Variants in SLC10A2 observed in about 807,000 individuals in gnomAD.
SLC10A2 encodes the protein ileal sodium/bile acid cotransporter.
In SLC10A2, 34 loss-of-function variants were observed where a neutral mutation model predicts 27.1. The ratio of observed to expected loss-of-function variants is 1.26; its 90% CI spans 0.96 to 1.67. SLC10A2 has a LOEUF of 1.67. SLC10A2 is among the 40% of genes most tolerant of loss of function. The pLI, the probability that SLC10A2 is intolerant of heterozygous loss-of-function variation, is 0.00. For missense variants in SLC10A2, 530 were observed against 444.4 expected (o/e 1.19, Z -1.73); for synonymous variants, 205 against 174.0 (o/e 1.18, Z -1.40).
At position 103,065,673 on chromosome 13, in the gene SLC10A2, A is replaced by G. The variant is rs563315470; in HGVS notation, c.377+200T>C. Among the ~76,000 whole-genome samples the G allele has an allele frequency of 4.5e-4, 69 of 152,354 alleles. 1 individual carries two copies. The South Asian group carries it at 7.5e-3, about 16-fold the overall frequency. On this transcript the variant is annotated intron_variant, in intron 1 of 5. Coordinates refer to ENST00000245312, the MANE Select transcript of SLC10A2 (RefSeq NM_000452.3). ...TTAACTGAGTTAGATTTAAAAACAC[A>G]AACACAAAATATAAATCCCCCAATT...
intron 4 of SLC10A2, among the ~76,000 whole-genome samples, chr13:103,051,048 G>T (rs1229196560): frequency 6.6e-6 from 1 of 152,130 alleles, no homozygotes; most frequent in Non-Finnish European, 1.5e-5. Flanking sequence ...CACGAGGAAG[G>T]CCAGTAAGGG....
rs1459034660 is a variant in SLC10A2, at chr13:103,058,393, A to G, written c.378-11T>C. On this transcript the variant is annotated splice_polypyrimidine_tract_variant and intron_variant, in intron 1 of 5. Transcript: ENST00000245312. ...GTGGTCATGCTGACGCTGAAAGGCA[A>G]TGGGCAGATTGATACATCCACCTGT... The G allele has an allele frequency of 1.3e-6, 2 of 1,512,156 alleles. No individual in the cohort carries two copies. The highest frequency in any genetic ancestry group is 1.1e-5 in the South Asian group (1 of 88,918). The allele number at this position is 1,512,156 out of a possible 1,614,324, so 93.7% of individuals were successfully genotyped here.
intron 1 of SLC10A2, among the ~76,000 whole-genome samples, chr13:103,064,930 C>G (rs1431342175): frequency 1.3e-5 from 2 of 152,178 alleles, no homozygotes; most frequent in African/African-American, 4.8e-5. Flanking sequence ...GTTTACAATT[C>G]TACACTTTGT....
Position 103,058,334 on chromosome 13 carries a change from C to T in SLC10A2, c.426G>A (p.Pro142=), listed in dbSNP as rs157381. 4,421 of 1,613,820 alleles carry T rather than the reference C, an allele frequency of 2.7e-3. 120 individuals carry two copies. In the African/African-American group the frequency reaches 0.051, roughly 18 times the overall value. Residue 142 remains proline (P), a synonymous_variant, in exon 2 of 6, where the codon CCG becomes CCA. Coordinates refer to ENST00000245312, the MANE Select transcript of SLC10A2 (RefSeq NM_000452.3). ...TTTTGGTATAGATAAGGAGGCACAG[C>T]GGCATCATTCCGAGGGCAAGCAGTG... ...CSTLLALGMM[P]LCLLIYTKMW...
At chr13:103,063,325 C>T (rs1876181687) in intron 1 of SLC10A2, among the ~76,000 whole-genome samples, 1 of 152,048 alleles carries the variant, frequency 6.6e-6, no homozygotes, top group Non-Finnish European at 1.5e-5. Flanking sequence ...AGAACCATAA[C>T]CAAGAGAGTT....
intron 1 of SLC10A2, among the ~76,000 whole-genome samples, chr13:103,062,986 CT>C (rs1436759786): frequency 6.6e-6 from 1 of 152,290 alleles, no homozygotes; most frequent in East Asian, 1.9e-4. Context: ...TAGGATGTTT[CT>C]GTGTCCTCTC....
chr13:103,058,519 G>A (rs1876009357), intron 1 of SLC10A2, 137 bp from the exon 2 acceptor site: 4 of 680,582 alleles, frequency 5.9e-6, no homozygotes, highest in Non-Finnish European at 1.1e-5. Context: ...GTCAACTTGT[G>A]TCATGGGGGT....
chr13:103,059,311 T>G (rs1306500846), intron 1 of SLC10A2, among the ~76,000 whole-genome samples: 1 of 152,222 alleles, frequency 6.6e-6, no homozygotes, highest in East Asian at 1.9e-4. Flanking sequence ...GTTTGTTCAT[T>G]GTTTTCTTGG....
rs148181864 is a variant in SLC10A2, at chr13:103,053,958, C to A, written c.497-1250G>T. 9.1e-3 allele frequency among the ~76,000 whole-genome samples: 1,380 copies of A among 152,002 alleles called. 9 individuals are homozygous for A. Among genetic ancestry groups the A allele is most frequent in the Non-Finnish European group, 0.015 (1,042 of 67,962 alleles). On this transcript the variant is annotated intron_variant, in intron 2 of 5. Transcript: ENST00000245312. The stretch of plus-strand genomic sequence containing the variant: ...TACTGCTGAGATGCCCCAGAAAAAC[C>A]CCCCTTGGGTATCCTTGCATCCTGC...
chr13:103,059,236 G>A (rs890448871), intron 1 of SLC10A2, among the ~76,000 whole-genome samples: 1 of 152,088 alleles, frequency 6.6e-6, no homozygotes, highest in African/African-American at 2.4e-5. Flanking sequence ...TCATATGATT[G>A]TTGGCTGCAT....
rs199592334 is a variant in SLC10A2 at position 103,066,288 on chromosome 13, C to T, written c.-39G>A. On this transcript the variant is annotated 5_prime_UTR_variant, in exon 1 of 6. Transcript: ENST00000245312. ...GCTGGAAAGGCCAAGTCCACAGAAG[C>T]GCTGGTCCCTGGGCCCTGGCTCTGC... 12 of 1,565,074 alleles carry T rather than the reference C, an allele frequency of 7.7e-6. No homozygotes were observed. The highest frequency in any genetic ancestry group is 2.0e-4 in the Middle Eastern group (1 of 5,054).
chr13:103,058,207 G>C, intron 2 of SLC10A2, 57 bp downstream of exon 2: 1 of 1,007,950 alleles, frequency 9.9e-7, no homozygotes, highest in Non-Finnish European at 1.6e-6. Context: ...AGCCTAGCAG[G>C]GGGTAAGCAG....
Position 103,044,786 on chromosome 13 carries a change from G to C in SLC10A2, c.*1347C>G, listed in dbSNP as rs1179747694. 6.6e-6 allele frequency: 1 copy of C among 152,164 alleles called. No homozygotes were observed. The highest frequency in any genetic ancestry group is 1.5e-5 in the Non-Finnish European group (1 of 68,036). The allele number at this position is 152,164 out of a possible 1,614,324, so 9.4% of individuals were successfully genotyped here. On this transcript the variant is annotated 3_prime_UTR_variant, in exon 6 of 6. Coordinates refer to ENST00000245312, the MANE Select transcript of SLC10A2 (RefSeq NM_000452.3). ...GGAACAAAACCACTAAGGACCGAGT[G>C]GTTAAGATTGTGTATTCTGATTGCT...
intron 2 of SLC10A2, among the ~76,000 whole-genome samples, chr13:103,054,673 A>G (rs1293007275): frequency 6.6e-6 from 1 of 152,168 alleles, no homozygotes; most frequent in Non-Finnish European, 1.5e-5. Context: ...GCTGAAATCC[A>G]TGGCAGAATT....
intron 2 of SLC10A2, among the ~76,000 whole-genome samples, chr13:103,055,636 G>T (rs945769768): frequency 4.6e-5 from 7 of 152,190 alleles, no homozygotes; most frequent in African/African-American, 1.7e-4. Context: ...GTTAATATCT[G>T]TAGAAAGTAA....
intron 4 of SLC10A2, among the ~76,000 whole-genome samples, chr13:103,050,979 C>T (rs1875760491): frequency 1.3e-5 from 2 of 152,044 alleles, no homozygotes; most frequent in East Asian, 3.9e-4. Context: ...AAAAGGGGAG[C>T]CAGGCCACAG....
intron 1 of SLC10A2, 114 bp from the exon 2 acceptor site, chr13:103,058,496 G>A: frequency 2.8e-6 from 2 of 713,120 alleles, no homozygotes; most frequent in Non-Finnish European, 5.1e-6. Flanking sequence ...ATATGTGCAT[G>A]TTTGTTATAT....
chr13:103,049,418 T>A lies in SLC10A2; in HGVS notation c.790A>T (p.Met264Leu). Residue 264 changes from methionine (M) to leucine (L), a missense_variant, in exon 5 of 6, where the codon ATG (methionine) becomes TTG (leucine). Physicochemically the swap from Met to Leu is conservative, Grantham distance 15. Transcript: ENST00000245312. ...RCRTVAFETG[M>L]QNTQLCSTIV... Reference sequence around the variant, plus strand: ...GTGGAACATAGCTGCGTGTTCTGCATCCCCGTTTCAAAAGCAACCGTTCGG... The same window carrying A: ...GTGGAACATAGCTGCGTGTTCTGCAACCCCGTTTCAAAAGCAACCGTTCGG... 2 of 1,613,988 alleles carry A rather than the reference T, an allele frequency of 1.2e-6. No homozygotes were observed. Among genetic ancestry groups the A allele is most frequent in the East Asian group, 2.2e-5 (1 of 44,870 alleles).
Position 103,065,990 on chromosome 13 carries a change from G to A in SLC10A2, c.260C>T (p.Ser87Leu), listed in dbSNP as rs1456902073. 18 of 1,613,980 alleles carry A rather than the reference G, an allele frequency of 1.1e-5. No homozygotes were observed. Among genetic ancestry groups the A allele is most frequent in the Admixed American group, 1.7e-5 (1 of 59,984 alleles). Residue 87 changes from serine to leucine, a missense_variant, in exon 1 of 6, where the codon TCG becomes TTG. Coordinates refer to ENST00000245312, the MANE Select transcript of SLC10A2 (RefSeq NM_000452.3). ...GIMPLTGFILSVAFDILPLQA... is the reference protein window; with the variant it reads ...GIMPLTGFILLVAFDILPLQA... Reference sequence around the variant, plus strand: ...GAGCGGGAGGATGTCAAAGGCCACCGACAGGATGAATCCTGTGAGGGGCAT... The same window carrying A: ...GAGCGGGAGGATGTCAAAGGCCACCAACAGGATGAATCCTGTGAGGGGCAT...
Sources: allele counts gnomAD v4.1 joint callset (sites outside exome capture counted in the v4.1 genomes callset), GRCh38; gene constraint gnomAD v4.1.1; transcripts MANE v1.5; gene names NCBI Gene and HGNC (gene_info 2026-07-23, HGNC 2026-07-21).